The following RBFOX1 variants were observed in gnomAD, a reference collection of about 807,000 sequenced individuals.
RBFOX1 encodes the protein RNA binding fox-1 homolog 1.
A neutral mutation model predicts 57.7 loss-of-function variants in RBFOX1; 8 were observed. That is an observed-to-expected ratio of 0.14 (90% CI 0.08 to 0.25). RBFOX1 has a LOEUF of 0.25. Among genes scored for constraint, RBFOX1 ranks in the 10% least tolerant of loss-of-function variants. RBFOX1 has a pLI of 1.00. For missense variants in RBFOX1, 611 were observed against 548.5 expected, an observed-to-expected ratio of 1.11 and a Z score of -1.14; for synonymous variants, 326 against 222.4, an observed-to-expected ratio of 1.47 and a Z score of -4.15.
chr16:6,672,279 CA>C (rs2098770581), intron 3 of RBFOX1, among the ~76,000 whole-genome samples: 3 of 151,708 alleles, frequency 2.0e-5, no homozygotes, highest in Non-Finnish European at 4.4e-5. Flanking sequence ...AATATACATC[CA>C]ATATAAATAT....
intron 2 of RBFOX1, among the ~76,000 whole-genome samples, chr16:6,642,968 G>C (rs528561289): frequency 6.6e-6 from 1 of 152,178 alleles, no homozygotes; most frequent in Admixed American, 6.5e-5. Context: ...AGGTGAAATA[G>C]CTCTTACATC....
intron 3 of RBFOX1, among the ~76,000 whole-genome samples, chr16:6,792,329 G>A (rs74007046): frequency 0.017 from 2,660 of 152,206 alleles, 90 homozygotes; most frequent in African/African-American, 0.06. Flanking sequence ...CCCTAAGGAC[G>A]CTTTCAAGTC....
chr16:6,422,945 G>A (rs970400584), intron 2 of RBFOX1, among the ~76,000 whole-genome samples: 1 of 152,222 alleles, frequency 6.6e-6, no homozygotes, highest in African/African-American at 2.4e-5. Flanking sequence ...AATTCACTTA[G>A]ATTAATGGCC....
intron 4 of RBFOX1, among the ~76,000 whole-genome samples, chr16:5,978,698 TG>T (rs898710136): frequency 1.3e-5 from 2 of 151,686 alleles, no homozygotes; most frequent in East Asian, 1.9e-4. Flanking sequence ...TTGTTGTTGT[TG>T]TTTTTTTAAA....
intron 2 of RBFOX1, among the ~76,000 whole-genome samples, chr16:6,348,693 C>T (rs2152840395): frequency 6.6e-6 from 1 of 152,112 alleles, no homozygotes; most frequent in South Asian, 2.1e-4. Context: ...GGGAGCGTGC[C>T]ACGTTCTTTT....
chr16:6,397,193 G>A (rs943034367), intron 2 of RBFOX1, among the ~76,000 whole-genome samples: 1 of 152,102 alleles, frequency 6.6e-6, no homozygotes, highest in African/African-American at 2.4e-5. Context: ...GAAACTTCAA[G>A]CAAGCAAAAT....
chr16:7,266,576 A>T (rs1304158838), intron 4 of RBFOX1, among the ~76,000 whole-genome samples: 1 of 152,112 alleles, frequency 6.6e-6, no homozygotes, highest in Non-Finnish European at 1.5e-5. Context: ...CACCTCACCA[A>T]AGCTCTATCT....
At position 7,698,267 on chromosome 16, in the gene RBFOX1, TCCACCATGCCAGGAC is replaced by T. The variant is rs1266211720; in HGVS notation, c.996-10779_996-10765del. 5.9e-5 allele frequency among the ~76,000 whole-genome samples: 9 copies of T among 151,580 alleles called. No individual in the cohort carries two copies. In the East Asian group the frequency reaches 1.2e-3, roughly 20 times the overall value. On this transcript the variant is annotated intron_variant, in intron 14 of 15. Coordinates refer to ENST00000550418, the MANE Select transcript of RBFOX1 (RefSeq NM_018723.4). ...CTCACTAGCAGGAAGATATGCCCCT[TCCACCATGCCAGGAC>T]CCACCATGCATTCCCTTAGCAAATC... is the stretch of plus-strand genomic sequence containing the variant.
intron 2 of RBFOX1, among the ~76,000 whole-genome samples, chr16:5,558,519 T>G (rs917147095): frequency 9.2e-5 from 14 of 152,088 alleles, no homozygotes; most frequent in Non-Finnish European, 1.8e-4. Flanking sequence ...CAAACTACCT[T>G]AGTGACCAGA....
At chr16:6,968,249 A>T (rs987734033) in intron 3 of RBFOX1, among the ~76,000 whole-genome samples, 9 of 152,210 alleles carry the variant, frequency 5.9e-5, no homozygotes, top group Admixed American at 2.6e-4. Context: ...TAACTCAGCA[A>T]AGACCCCCAG....
chr16:7,663,515 G>GTGTT (rs1265462812), intron 12 of RBFOX1, among the ~76,000 whole-genome samples: 1 of 151,846 alleles, frequency 6.6e-6, no homozygotes, highest in East Asian at 1.9e-4. Flanking sequence ...GTGTGTGTGT[G>GTGTT]TGTGTGTGTG....
chr16:6,312,144 C>A (rs1048897813), intron 1 of RBFOX1, among the ~76,000 whole-genome samples: 4 of 152,282 alleles, frequency 2.6e-5, no homozygotes, highest in Middle Eastern at 3.4e-3. Context: ...GCATTGTTTG[C>A]TAGCAACAGA....
chr16:6,615,288 T>G (rs965301681), intron 2 of RBFOX1, among the ~76,000 whole-genome samples: 3 of 152,172 alleles, frequency 2.0e-5, no homozygotes, highest in Non-Finnish European at 4.4e-5. Context: ...CCAAAATACA[T>G]TCGTATTTAA....
intron 4 of RBFOX1, among the ~76,000 whole-genome samples, chr16:7,287,317 C>G (rs994993620): frequency 1.2e-4 from 18 of 152,182 alleles, no homozygotes; most frequent in African/African-American, 4.1e-4. Context: ...CACACAGGAC[C>G]TGGAGAGACA....
At chr16:7,010,848 A>G (rs1411981477) in intron 3 of RBFOX1, among the ~76,000 whole-genome samples, 1 of 152,162 alleles carries the variant, frequency 6.6e-6, no homozygotes, top group Non-Finnish European at 1.5e-5. Flanking sequence ...AAGTGCTGGG[A>G]TTATAGGCAT....
intron 3 of RBFOX1, among the ~76,000 whole-genome samples, chr16:5,655,501 G>C (rs1243823382): frequency 6.6e-6 from 1 of 152,210 alleles, no homozygotes; most frequent in Non-Finnish European, 1.5e-5. Flanking sequence ...ATGGGGTGTG[G>C]CTAGGTTCAG....
At chr16:6,843,928 T>G (rs781023933) in intron 3 of RBFOX1, among the ~76,000 whole-genome samples, 10 of 152,148 alleles carry the variant, frequency 6.6e-5, no homozygotes, top group Non-Finnish European at 1.3e-4. Flanking sequence ...ACCAGAATTC[T>G]CCACTGTCTC....
intron 1 of RBFOX1, among the ~76,000 whole-genome samples, chr16:6,295,074 C>G (rs2077926474): frequency 7.0e-6 from 1 of 142,626 alleles, no homozygotes; most frequent in Non-Finnish European, 1.6e-5. Context: ...AAGTCCATTT[C>G]TGGCAAAGAG....
At chr16:6,979,126 C>G (rs1261019332) in intron 3 of RBFOX1, among the ~76,000 whole-genome samples, 1 of 152,078 alleles carries the variant, frequency 6.6e-6, no homozygotes, top group Non-Finnish European at 1.5e-5. Flanking sequence ...TAAAATTGTA[C>G]CAAAAATCAG....
Sources: allele counts gnomAD v4.1 joint callset (sites outside exome capture counted in the v4.1 genomes callset), GRCh38; gene constraint gnomAD v4.1.1; transcripts MANE v1.5; gene names NCBI Gene and HGNC (gene_info 2026-07-23, HGNC 2026-07-21).